Variants in CNOT4 observed in about 807,000 individuals in gnomAD.
The protein encoded by CNOT4 is CCR4-NOT transcription complex subunit 4, also known as CCR4-associated factor 4.
A neutral mutation model predicts 73.8 loss-of-function variants in CNOT4; 8 were observed. That is an observed-to-expected ratio of 0.11 (90% CI 0.06 to 0.20). The LOEUF (loss-of-function observed/expected upper bound fraction) is 0.20. Ranked by LOEUF, CNOT4 falls within the 10% of genes least tolerant of loss-of-function variation. The probability of loss-of-function intolerance (pLI) is 1.00; values close to 1 mark genes in which losing one functional copy is unlikely to be tolerated. For synonymous variants in CNOT4, 293 were observed against 321.1 expected (o/e 0.91, Z 0.94); for missense variants, 564 against 883.4 (o/e 0.64, Z 4.58).
At chr7:135,470,410 T>G (rs925920799) in intron 1 of CNOT4, among the ~76,000 whole-genome samples, 1 of 152,102 alleles carries the variant, frequency 6.6e-6, no homozygotes, top group African/African-American at 2.4e-5. Flanking sequence ...GATTTACAGA[T>G]GTAAGCTACC....
At chr7:135,378,458 C>T (rs981195203) in intron 10 of CNOT4, among the ~76,000 whole-genome samples, 1 of 151,212 alleles carries the variant, frequency 6.6e-6, no homozygotes, top group Non-Finnish European at 1.5e-5. Context: ...GAGCCGACGT[C>T]GCACCACTGC....
At chr7:135,398,523 T>C (rs1417863082) in intron 7 of CNOT4, among the ~76,000 whole-genome samples, 1 of 151,974 alleles carries the variant, frequency 6.6e-6, no homozygotes, top group African/African-American at 2.4e-5. Flanking sequence ...TTCTCAGATT[T>C]GGGGTGTTCG....
intron 7 of CNOT4, among the ~76,000 whole-genome samples, chr7:135,409,116 A>G (rs112555359): frequency 0.019 from 2,863 of 152,310 alleles, 93 homozygotes; most frequent in African/African-American, 0.065. Context: ...TAATGCAAAC[A>G]ATGATGTGCA....
At position 135,438,090 on chromosome 7, in the gene CNOT4, C is replaced by A. The variant is rs528929323; in HGVS notation, c.174+68G>T. 155 of 795,664 alleles carry A rather than the reference C, an allele frequency of 1.9e-4. 1 individual carries two copies. In the African/African-American group the frequency reaches 2.0e-3, roughly 10 times the overall value. The allele number at this position is 795,664 out of a possible 1,614,324, so 49.3% of individuals were successfully genotyped here. The stretch of plus-strand genomic sequence containing the variant: ...GCACAGTCTTTTAAATTCACTTGCT[C>A]ATATACATGGCAGCAAAAAACTATA... On this transcript the variant is annotated intron_variant, in intron 2 of 11. Coordinates refer to ENST00000541284, the MANE Select transcript of CNOT4 (RefSeq NM_001190850.2).
chr7:135,398,282 A>G (rs1796809871), intron 7 of CNOT4, 56 bp from the exon 8 acceptor site: 1 of 892,908 alleles, frequency 1.1e-6, no homozygotes, highest in South Asian at 1.4e-5. Flanking sequence ...TCCTACAATA[A>G]AAACAAACTC....
At chr7:135,507,613 T>TA (rs945819682) in intron 1 of CNOT4, among the ~76,000 whole-genome samples, 56 of 151,320 alleles carry the variant, frequency 3.7e-4, no homozygotes, top group African/African-American at 1.0e-3. Context: ...TACCTTTTTT[T>TA]AAAAAAAAAG....
At position 135,413,622 on chromosome 7, in the gene CNOT4, G is replaced by A; in HGVS notation, c.562-9C>T. 1 of 1,606,732 alleles carries A rather than the reference G, an allele frequency of 6.2e-7. No homozygotes were observed. The highest frequency in any genetic ancestry group is 8.5e-7 in the Non-Finnish European group (1 of 1,175,980). ...GTTGTACCTAGAGATGCCTGCAGGAGGAAGAGGGGTAAAGGAAAAGAAGAC... is the reference window on the plus strand; with the variant it reads ...GTTGTACCTAGAGATGCCTGCAGGAAGAAGAGGGGTAAAGGAAAAGAAGAC... On this transcript the variant is annotated splice_polypyrimidine_tract_variant and intron_variant, in intron 5 of 11. Coordinates refer to ENST00000541284, the MANE Select transcript of CNOT4 (RefSeq NM_001190850.2).
At chr7:135,422,029 C>T in intron 3 of CNOT4, 127 bp downstream of exon 3, 1 of 613,972 alleles carries the variant, frequency 1.6e-6, no homozygotes, top group South Asian at 2.2e-5. Context: ...AAAGTAATTT[C>T]TTATTTTCTC....
chr7:135,473,852 T>G (rs185507145), intron 1 of CNOT4, among the ~76,000 whole-genome samples: 24 of 152,272 alleles, frequency 1.6e-4, no homozygotes, highest in Admixed American at 1.2e-3. Flanking sequence ...TAGAAGGACA[T>G]AAGACAAAGG....
chr7:135,444,875 T>G (rs1444479711), intron 1 of CNOT4: 2 of 1,598,690 alleles, frequency 1.3e-6, no homozygotes, highest in African/African-American at 2.7e-5. Context: ...GGCTTTGCTA[T>G]TTCAACTATC....
chr7:135,482,753 G>A (rs1802463421), intron 1 of CNOT4, among the ~76,000 whole-genome samples: 1 of 152,132 alleles, frequency 6.6e-6, no homozygotes, highest in Non-Finnish European at 1.5e-5. Flanking sequence ...GGCCAAGGCA[G>A]GCAGATGACC....
intron 7 of CNOT4, among the ~76,000 whole-genome samples, chr7:135,407,545 ACACTGTTTTTG>A (rs1187894076): frequency 6.6e-6 from 1 of 152,248 alleles, no homozygotes; most frequent in Non-Finnish European, 1.5e-5. Context: ...TACCAGTCTA[ACACTGTTTTTG>A]CACTGTTTAG....
chr7:135,480,915 A>C (rs1802335701), intron 1 of CNOT4, among the ~76,000 whole-genome samples: 1 of 149,746 alleles, frequency 6.7e-6, no homozygotes, highest in South Asian at 2.1e-4. Context: ...ATGAAACTGG[A>C]TCTCTCTCTC....
intron 3 of CNOT4, among the ~76,000 whole-genome samples, chr7:135,421,287 G>A (rs768243498): frequency 2.6e-5 from 4 of 152,094 alleles, no homozygotes; most frequent in Non-Finnish European, 4.4e-5. Context: ...CCTTAAGCAT[G>A]TTCACTACAA....
intron 1 of CNOT4, among the ~76,000 whole-genome samples, chr7:135,471,179 G>A (rs1801551644): frequency 6.6e-6 from 1 of 151,894 alleles, no homozygotes; most frequent in Admixed American, 6.6e-5. Context: ...CTAAACTCTG[G>A]TATACTCAGA....
intron 1 of CNOT4, chr7:135,444,640 C>A: frequency 8.6e-7 from 1 of 1,167,150 alleles, no homozygotes; most frequent in Non-Finnish European, 1.3e-6. Flanking sequence ...AAGGCTGCAT[C>A]TCTCCACTGG....
intron 1 of CNOT4, among the ~76,000 whole-genome samples, chr7:135,440,293 G>GA (rs1212614997): frequency 6.9e-6 from 1 of 145,198 alleles, no homozygotes; most frequent in East Asian, 2.0e-4. Context: ...TAAAATACAT[G>GA]AAAAAATGAT....
intron 10 of CNOT4, among the ~76,000 whole-genome samples, chr7:135,381,933 T>A (rs143756222): frequency 2.6e-5 from 4 of 152,324 alleles, no homozygotes; most frequent in South Asian, 4.1e-4. Context: ...AAAATTGTTA[T>A]AAGCACAGTA....
At chr7:135,463,334 T>C (rs530554594) in intron 1 of CNOT4, among the ~76,000 whole-genome samples, 41 of 152,224 alleles carry the variant, frequency 2.7e-4, no homozygotes, top group African/African-American at 9.4e-4. Flanking sequence ...GGTCAGGAGT[T>C]CGAGACCAGT....
Sources: gnomAD v4.1 joint callset for allele counts (sites outside exome capture counted in the v4.1 genomes callset) on GRCh38, gnomAD v4.1.1 for gene constraint, MANE v1.5 for transcripts, NCBI Gene and HGNC (gene_info 2026-07-23, HGNC 2026-07-21) for gene names.